RBFOX1: variants seen among roughly 807,000 people sequenced by gnomAD.
RBFOX1 encodes the protein RNA binding protein fox-1 homolog 1.
A neutral mutation model predicts 57.7 loss-of-function variants in RBFOX1; 8 were observed. The observed-to-expected ratio is 0.14, with a 90% CI of 0.08 to 0.25. The LOEUF is 0.25. Among genes scored for constraint, RBFOX1 ranks in the 10% least tolerant of loss-of-function variants. RBFOX1 has a pLI of 1.00. For missense variants in RBFOX1, 611 were observed against 548.5 expected, an observed-to-expected ratio of 1.11 and a Z score of -1.14; for synonymous variants, 326 against 222.4, an observed-to-expected ratio of 1.47 and a Z score of -4.15.
At chr16:6,997,195 A>G (rs1363732098) in intron 3 of RBFOX1, among the ~76,000 whole-genome samples, 2 of 152,126 alleles carry the variant, frequency 1.3e-5, no homozygotes, top group Non-Finnish European at 2.9e-5. Context: ...TTTTCCCCCA[A>G]TAACTTTAAG....
rs530509210 is a variant in RBFOX1 at position 5,743,121 on chromosome 16, G to C, written c.319-124182G>C. 5.9e-5 allele frequency among the ~76,000 whole-genome samples: 9 copies of C among 152,204 alleles called. 1 individual carries two copies. The South Asian group carries it at 1.7e-3, about 28-fold the overall frequency. ...CAATCACACTAACGGTGAGTATTCTGTATTGTGATTGGAAAGAACGAAAAA... is the reference window on the plus strand; with the variant it reads ...CAATCACACTAACGGTGAGTATTCTCTATTGTGATTGGAAAGAACGAAAAA... On this transcript the variant is annotated intron_variant, in intron 3 of 19. Coordinates refer to the RBFOX1 transcript ENST00000641259.
At chr16:6,949,852 A>G (rs1009956895) in intron 3 of RBFOX1, among the ~76,000 whole-genome samples, 1 of 151,944 alleles carries the variant, frequency 6.6e-6, no homozygotes, top group Non-Finnish European at 1.5e-5. Context: ...GACAGAATGC[A>G]ATTCCAAGCC....
chr16:6,981,864 A>C (rs768292090), intron 3 of RBFOX1, among the ~76,000 whole-genome samples: 1 of 152,214 alleles, frequency 6.6e-6, no homozygotes, highest in Non-Finnish European at 1.5e-5. Context: ...TACACTGATG[A>C]CATTTAAGTT....
chr16:7,156,171 A>T (rs1435503006), intron 4 of RBFOX1, among the ~76,000 whole-genome samples: 1 of 151,680 alleles, frequency 6.6e-6, no homozygotes, highest in African/African-American at 2.4e-5. Context: ...TGCCTGGCCG[A>T]TCCCTCAACT....
Position 6,972,078 on chromosome 16 carries a change from C to T in RBFOX1, c.-15-79979C>T, listed in dbSNP as rs1274037227. ...GTTTCCTTAACAAAGAGATATATTA[C>T]AGCATTTTTTTCCCATTGTGCTAAA... On this transcript the variant is annotated intron_variant, in intron 3 of 15. Transcript: ENST00000550418. Among the ~76,000 whole-genome samples, 13 of 152,284 alleles carry T rather than the reference C, an allele frequency of 8.5e-5. No individual in the cohort carries two copies. The South Asian group carries it at 2.5e-3, about 29-fold the overall frequency.
chr16:5,666,119 G>A (rs933755473), intron 3 of RBFOX1, among the ~76,000 whole-genome samples: 4 of 152,210 alleles, frequency 2.6e-5, no homozygotes, highest in Non-Finnish European at 4.4e-5. Flanking sequence ...TGCAGGGGCC[G>A]GTTCCGTTTG....
At position 7,220,083 on chromosome 16, in the gene RBFOX1, A is replaced by G. The variant is rs115767086; in HGVS notation, c.27+167985A>G. ...GCATTGTTTGACCTTAGAGAGATCA[A>G]TTGTGTGTATCAGACCAAACAAAAT... On this transcript the variant is annotated intron_variant, in intron 4 of 15. Transcript: ENST00000550418. Among the ~76,000 whole-genome samples, 1,476 of 152,284 alleles carry G rather than the reference A, an allele frequency of 9.7e-3. 22 individuals are homozygous for G. The highest frequency in any genetic ancestry group is 0.034 in the African/African-American group (1,393 of 41,548).
At chr16:6,537,531 C>G (rs1402637485) in intron 2 of RBFOX1, among the ~76,000 whole-genome samples, 1 of 152,180 alleles carries the variant, frequency 6.6e-6, no homozygotes, top group Non-Finnish European at 1.5e-5. Context: ...GATCGAGTTG[C>G]TGAGCTAACA....
At chr16:6,238,340 T>A (rs1026192213) in intron 1 of RBFOX1, among the ~76,000 whole-genome samples, 12 of 152,274 alleles carry the variant, frequency 7.9e-5, no homozygotes, top group African/African-American at 2.9e-4. Flanking sequence ...TCCAGGAACC[T>A]CTATCACATT....
intron 3 of RBFOX1, among the ~76,000 whole-genome samples, chr16:6,717,288 C>G (rs1052394826): frequency 1.1e-4 from 16 of 152,124 alleles, no homozygotes; most frequent in African/African-American, 3.4e-4. Flanking sequence ...AGACTTGCAT[C>G]TAATTGAGCC....
chr16:5,389,278 C>A (rs909048406), intron 1 of RBFOX1, among the ~76,000 whole-genome samples: 1 of 152,146 alleles, frequency 6.6e-6, no homozygotes, highest in African/African-American at 2.4e-5. Context: ...AAGTGGAAAT[C>A]CTCGTTCTCA....
At chr16:7,504,314 TTATTGTTATTATCAA>T (rs2072025948) in intron 4 of RBFOX1, among the ~76,000 whole-genome samples, 1 of 152,058 alleles carries the variant, frequency 6.6e-6, no homozygotes, top group Non-Finnish European at 1.5e-5. Context: ...TCTAATTGTA[TTATTGTTATTATCAA>T]GAATGTTATA....
intron 4 of RBFOX1, among the ~76,000 whole-genome samples, chr16:5,916,438 G>A (rs1433065117): frequency 6.6e-6 from 1 of 152,016 alleles, no homozygotes; most frequent in Non-Finnish European, 1.5e-5. Context: ...GAATCTCAGA[G>A]AAAAGTCTTA....
At chr16:6,912,736 G>C (rs1393660576) in intron 3 of RBFOX1, among the ~76,000 whole-genome samples, 1 of 151,582 alleles carries the variant, frequency 6.6e-6, no homozygotes, top group South Asian at 2.1e-4. Context: ...TACTACCTCA[G>C]CCTACTGAGT....
intron 3 of RBFOX1, among the ~76,000 whole-genome samples, chr16:5,672,782 A>T (rs1422609810): frequency 1.3e-5 from 2 of 152,162 alleles, no homozygotes; most frequent in Admixed American, 6.5e-5. Flanking sequence ...GCCCAGCTAA[A>T]TTCAGTGGTT....
At chr16:6,252,124 C>A (rs1438726875) in intron 1 of RBFOX1, among the ~76,000 whole-genome samples, 1 of 152,086 alleles carries the variant, frequency 6.6e-6, no homozygotes, top group African/African-American at 2.4e-5. Flanking sequence ...ACAGTCCAGT[C>A]CTCCACATGG....
chr16:7,506,585 A>G (rs2073385728), intron 4 of RBFOX1, among the ~76,000 whole-genome samples: 1 of 151,312 alleles, frequency 6.6e-6, no homozygotes, highest in African/African-American at 2.5e-5. Flanking sequence ...CACCTTCATC[A>G]TCATCATCAT....
chr16:5,620,658 C>T (rs1237070061), intron 3 of RBFOX1, among the ~76,000 whole-genome samples: 2 of 151,810 alleles, frequency 1.3e-5, no homozygotes, highest in Admixed American at 6.6e-5. Context: ...ATTAGGGCCA[C>T]CCTAATCTCA....
chr16:6,404,705 C>G (rs958402888), intron 2 of RBFOX1, among the ~76,000 whole-genome samples: 2 of 152,124 alleles, frequency 1.3e-5, no homozygotes, highest in Non-Finnish European at 2.9e-5. Context: ...GGTTGGTCAC[C>G]TTTTGCTGTT....
Sources: allele counts gnomAD v4.1 joint callset (sites outside exome capture counted in the v4.1 genomes callset), GRCh38; gene constraint gnomAD v4.1.1; transcripts MANE v1.5; gene names NCBI Gene and HGNC (gene_info 2026-07-23, HGNC 2026-07-21).